Variants in SLC7A2 observed in about 807,000 individuals in gnomAD.
SLC7A2 encodes the protein cationic amino acid transporter 2.
A neutral mutation model predicts 58.9 loss-of-function variants in SLC7A2; 48 were observed. The observed-to-expected ratio is 0.82, with a 90% CI of 0.65 to 1.04. The LOEUF (loss-of-function observed/expected upper bound fraction) is 1.04, where lower values mean the gene tolerates loss of function less well. Ranked by LOEUF, SLC7A2 falls within the 50% of genes least tolerant of loss-of-function variation. The probability of loss-of-function intolerance (pLI) is 0.00; values close to 1 mark genes in which losing one functional copy is unlikely to be tolerated. For missense variants in SLC7A2, 1,029 were observed against 818.8 expected (o/e 1.26, Z -3.13); for synonymous variants, 363 against 314.5 (o/e 1.15, Z -1.63).
chr8:17,565,122 C>T lies in SLC7A2; in HGVS notation c.1953C>T (p.Phe651=), dbSNP rs1396651859. Residue 651 remains phenylalanine, a synonymous_variant, in exon 13 of 13, where the codon TTC becomes TTT. Transcript: ENST00000494857. Reference sequence around the variant, plus strand: ...GAAATCTCAGTTCACCTTTCATATTCCATGAAAAGACAAGTGAATTCTAAC... The same window carrying T: ...GAAATCTCAGTTCACCTTTCATATTTCATGAAAAGACAAGTGAATTCTAAC... ...HPRNLSSPFI[F]HEKTSEF 2.5e-6 allele frequency: 4 copies of T among 1,612,882 alleles called. No homozygotes were observed. The highest frequency in any genetic ancestry group is 1.7e-5 in the Admixed American group (1 of 59,846).
At chr8:17,560,089 A>G (rs1005051256) in intron 9 of SLC7A2, among the ~76,000 whole-genome samples, 3 of 152,072 alleles carry the variant, frequency 2.0e-5, no homozygotes, top group African/African-American at 7.2e-5. Context: ...TTCTTGTGCC[A>G]TCTATTGTAT....
intron 6 of SLC7A2, among the ~76,000 whole-genome samples, chr8:17,551,037 TC>T (rs1402715751): frequency 6.6e-6 from 1 of 152,224 alleles, no homozygotes; most frequent in East Asian, 1.9e-4. Flanking sequence ...AATAACTTCA[TC>T]TGAAGCCTTG....
intron 2 of SLC7A2, among the ~76,000 whole-genome samples, chr8:17,514,278 G>T (rs555481376): frequency 3.5e-4 from 54 of 152,166 alleles, no homozygotes; most frequent in African/African-American, 1.2e-3. Context: ...AAAAAATACA[G>T]TGTGTCCCAA....
rs1394639988 is a variant in SLC7A2 at position 17,567,932 on chromosome 8, T to A, written c.*2786T>A. 1.3e-5 allele frequency: 2 copies of A among 152,156 alleles called. No individual in the cohort carries two copies. Among genetic ancestry groups the A allele is most frequent in the African/African-American group, 2.4e-5 (1 of 41,426 alleles). 9.4% of individuals were successfully genotyped at this position (152,156 alleles called of 1,614,324 possible). A position where few individuals can be genotyped will look rare whatever the true frequency, so the allele number is the denominator to read the frequency against. ...CACACCTTTTCCGACTGATCTGTCC[T>A]GGTAGGTGTTTATTAGCAAAAGTCA... On this transcript the variant is annotated 3_prime_UTR_variant, in exon 13 of 13. Coordinates refer to ENST00000494857, the MANE Select transcript of SLC7A2 (RefSeq NM_001370338.1).
chr8:17,555,024 C>T, intron 8 of SLC7A2: 4 of 1,613,914 alleles, frequency 2.5e-6, no homozygotes, highest in Non-Finnish European at 2.5e-6. Context: ...GATTTCTTGC[C>T]AGAGTGAGTA....
intron 7 of SLC7A2, among the ~76,000 whole-genome samples, chr8:17,553,244 T>A (rs1261955742): frequency 6.6e-6 from 1 of 151,930 alleles, no homozygotes; most frequent in Non-Finnish European, 1.5e-5. Context: ...AGAGAGGAGG[T>A]CTCGCTAAGT....
Position 17,548,442 on chromosome 8 carries a change from G to C in SLC7A2, c.533-236G>C, listed in dbSNP as rs192617414. Among the ~76,000 whole-genome samples the C allele has an allele frequency of 1.3e-3, 202 of 152,334 alleles. 1 individual carries two copies. The highest frequency in any genetic ancestry group is 3.4e-3 in the Middle Eastern group (1 of 294). On this transcript the variant is annotated intron_variant, in intron 4 of 12. Coordinates refer to ENST00000494857, the MANE Select transcript of SLC7A2 (RefSeq NM_001370338.1). ...AAAGTTACTAGATTTATGTTTCTTA[G>C]AAAGTGTAGTGTCTTCTATGAGCAT...
Position 17,501,008 on chromosome 8 carries a change from G to A in SLC7A2, c.-68-1249G>A, listed in dbSNP as rs2588203. On this transcript the variant is annotated intron_variant, in intron 1 of 12. Transcript: ENST00000494857. ...TGCTGTTGCTTTTCACATTCTTATC[G>A]ACTTTTTTTTTTTTTTCTGTTTTGA... Among the ~76,000 whole-genome samples, 7 of 47,518 alleles carry A rather than the reference G, an allele frequency of 1.5e-4. No homozygotes were observed. The Admixed American group carries it at 2.6e-3, about 18-fold the overall frequency. The allele number at this position is 47,518 out of a possible 152,430, so 31.2% of individuals were successfully genotyped here.
At chr8:17,559,233 G>T (rs1179192686) in intron 9 of SLC7A2, among the ~76,000 whole-genome samples, 1 of 152,140 alleles carries the variant, frequency 6.6e-6, no homozygotes, top group Non-Finnish European at 1.5e-5. Flanking sequence ...GTCCATTCTC[G>T]TGCTGCTAAT....
chr8:17,511,387 A>G (rs1200135220), intron 2 of SLC7A2: 4 of 152,198 alleles, frequency 2.6e-5, no homozygotes, highest in Admixed American at 2.0e-4. Flanking sequence ...GGAGTTGTTA[A>G]AGAATCAGAA....
Position 17,560,328 on chromosome 8 carries a change from G to A in SLC7A2, c.1299G>A (p.Arg433=), listed in dbSNP as rs1159799315. 7.4e-6 allele frequency: 12 copies of A among 1,612,648 alleles called. No individual in the cohort carries two copies. Among genetic ancestry groups the A allele is most frequent in the South Asian group, 1.1e-5 (1 of 91,058 alleles). The part of the protein sequence containing the change: ...SLVAACVLIL[R]YQPGLSYDQP... ...GACATAGATGTTTGTTTGGAAATAGGTACCAGCCTGGCTTATCTTACGACC... is the reference window on the plus strand; with the variant it reads ...GACATAGATGTTTGTTTGGAAATAGATACCAGCCTGGCTTATCTTACGACC... The change falls in exon 10 of 13, where the codon AGG becomes AGA. Residue 433 remains arginine, a splice_region_variant and synonymous_variant. Transcript: ENST00000494857.
intron 6 of SLC7A2, among the ~76,000 whole-genome samples, 161 bp from the exon 7 acceptor site, chr8:17,551,603 T>C (rs1802452985): frequency 6.6e-6 from 1 of 151,626 alleles, no homozygotes; most frequent in East Asian, 1.9e-4. Flanking sequence ...GTCTCAAAAA[T>C]AAGTAAAATA....
intron 1 of SLC7A2, among the ~76,000 whole-genome samples, chr8:17,501,291 G>A (rs906164923): frequency 2.6e-5 from 4 of 152,184 alleles, no homozygotes; most frequent in Non-Finnish European, 5.9e-5. Flanking sequence ...TGGGATTACA[G>A]GCCTGAGCCA....
At chr8:17,554,993 C>T (rs1172059181) in intron 8 of SLC7A2, 2 of 1,613,958 alleles carry the variant, frequency 1.2e-6, no homozygotes, top group Non-Finnish European at 1.7e-6. Context: ...TTTGCCATGG[C>T]CCGGGATGGC....
chr8:17,554,956 T>A, intron 8 of SLC7A2: 3 of 1,614,032 alleles, frequency 1.9e-6, no homozygotes, highest in Non-Finnish European at 2.5e-6. Context: ...TCTTCTGGGC[T>A]CTATGTTTCC....
At chr8:17,519,566 G>A (rs1253665755) in intron 2 of SLC7A2, among the ~76,000 whole-genome samples, 3 of 152,122 alleles carry the variant, frequency 2.0e-5, no homozygotes, top group Non-Finnish European at 2.9e-5. Context: ...CCTTCACTGA[G>A]GCTGTGGAGT....
intron 2 of SLC7A2, among the ~76,000 whole-genome samples, chr8:17,524,236 C>T (rs186755209): frequency 6.6e-6 from 1 of 152,212 alleles, no homozygotes; most frequent in East Asian, 1.9e-4. Flanking sequence ...CCATTTGATC[C>T]AGCAGTCCCA....
At chr8:17,541,933 T>G (rs1157881771) in intron 2 of SLC7A2, among the ~76,000 whole-genome samples, 1 of 152,208 alleles carries the variant, frequency 6.6e-6, no homozygotes, top group African/African-American at 2.4e-5. Flanking sequence ...TTAGATTGTT[T>G]AGGCTTGCAG....
At chr8:17,496,471 C>T (rs533850515), upstream of SLC7A2, among the ~76,000 whole-genome samples, 14 of 152,142 alleles carry the variant, frequency 9.2e-5, no homozygotes, top group Non-Finnish European at 1.9e-4. Flanking sequence ...TAAACAATAG[C>T]GCAGTAGGAG....
Sources: allele counts gnomAD v4.1 joint callset (sites outside exome capture counted in the v4.1 genomes callset), GRCh38; gene constraint gnomAD v4.1.1; transcripts MANE v1.5; gene names NCBI Gene and HGNC (gene_info 2026-07-23, HGNC 2026-07-21).